Variants in SLC2A13 observed in about 807,000 individuals in gnomAD.
SLC2A13 encodes the protein solute carrier family 2 member 13, also known as proton myo-inositol cotransporter.
In SLC2A13, 32 loss-of-function variants were observed where a neutral mutation model predicts 64.4. The observed-to-expected ratio is 0.50, with a 90% CI of 0.37 to 0.67. The LOEUF is 0.67. Ranked by LOEUF, SLC2A13 falls within the 30% of genes least tolerant of loss-of-function variation. The pLI is 0.00. For missense variants in SLC2A13, 743 were observed against 829.2 expected, an observed-to-expected ratio of 0.90 and a Z score of 1.28; for synonymous variants, 338 against 327.1, an observed-to-expected ratio of 1.03 and a Z score of -0.36.
intron 7 of SLC2A13, among the ~76,000 whole-genome samples, chr12:39,828,805 A>T (rs1410333917): frequency 6.6e-6 from 1 of 152,166 alleles, no homozygotes; most frequent in African/African-American, 2.4e-5. Flanking sequence ...TAACTCACTA[A>T]CAAAATTTGG....
At chr12:39,890,287 C>T (rs532124793) in intron 4 of SLC2A13, among the ~76,000 whole-genome samples, 3 of 152,140 alleles carry the variant, frequency 2.0e-5, no homozygotes, top group African/African-American at 7.2e-5. Flanking sequence ...TTCATTAGAG[C>T]ATCATTATTA....
At chr12:40,090,899 AT>A (rs1938745291) in intron 1 of SLC2A13, among the ~76,000 whole-genome samples, 1 of 152,216 alleles carries the variant, frequency 6.6e-6, no homozygotes, top group South Asian at 2.1e-4. Context: ...TTAGTAAGAT[AT>A]TCTTGGTAAA....
chr12:39,818,756 A>G (rs970604570), intron 7 of SLC2A13, among the ~76,000 whole-genome samples: 2 of 152,182 alleles, frequency 1.3e-5, no homozygotes, highest in Non-Finnish European at 2.9e-5. Flanking sequence ...ATAAATGTAG[A>G]TGTTTCATAT....
intron 3 of SLC2A13, among the ~76,000 whole-genome samples, chr12:40,014,168 CAT>C (rs550058863): frequency 1.1e-4 from 17 of 152,288 alleles, no homozygotes; most frequent in East Asian, 1.9e-4. Flanking sequence ...GCCCCAGAAA[CAT>C]GTGTCAAATA....
intron 3 of SLC2A13, among the ~76,000 whole-genome samples, chr12:40,026,941 A>T (rs1298898046): frequency 1.1e-4 from 16 of 152,166 alleles, no homozygotes; most frequent in Non-Finnish European, 2.4e-4. Flanking sequence ...TCAGCCAGGC[A>T]TGATGGCCCA....
chr12:39,927,417 CTT>C (rs1476036050), intron 4 of SLC2A13, among the ~76,000 whole-genome samples: 1 of 152,082 alleles, frequency 6.6e-6, no homozygotes, highest in Non-Finnish European at 1.5e-5. Context: ...AAAGCATACT[CTT>C]GAGTTTTTTT....
At chr12:40,047,981 A>T in intron 2 of SLC2A13, 70 bp downstream of exon 2, 2 of 1,419,826 alleles carry the variant, frequency 1.4e-6, no homozygotes, top group Admixed American at 2.2e-5. Flanking sequence ...TTTGACTATG[A>T]TTTCTCAATT....
intron 7 of SLC2A13, among the ~76,000 whole-genome samples, chr12:39,769,656 G>A (rs569154585): frequency 5.9e-5 from 9 of 151,796 alleles, no homozygotes; most frequent in South Asian, 2.1e-4. Context: ...CTGGGGTCAC[G>A]TTCCATCAAT....
intron 3 of SLC2A13, among the ~76,000 whole-genome samples, chr12:39,969,009 T>C (rs1207330566): frequency 6.6e-6 from 1 of 152,026 alleles, no homozygotes; most frequent in Admixed American, 6.6e-5. Context: ...CCAAGTGTTC[T>C]CATTGTTCAA....
rs1461934109 is a variant in SLC2A13 at position 39,759,247 on chromosome 12, C to T, written c.*779G>A. ...TAACCAATTTGGAACCCATAAAAAC[C>T]TTTAATCTGTTACTTTCTGAACATA... On this transcript the variant is annotated 3_prime_UTR_variant, in exon 10 of 10. Coordinates refer to ENST00000280871, the MANE Select transcript of SLC2A13 (RefSeq NM_052885.4). 6.6e-6 allele frequency: 1 copy of T among 152,232 alleles called. No individual in the cohort carries two copies. Among genetic ancestry groups the T allele is most frequent in the Non-Finnish European group, 1.5e-5 (1 of 67,904 alleles). The allele number at this position is 152,232 out of a possible 1,614,324, so 9.4% of individuals were successfully genotyped here. A position where few individuals can be genotyped will look rare whatever the true frequency, so the allele number is the denominator to read the frequency against.
chr12:39,841,028 G>A (rs1456454569), intron 6 of SLC2A13, among the ~76,000 whole-genome samples: 1 of 151,938 alleles, frequency 6.6e-6, no homozygotes, highest in Non-Finnish European at 1.5e-5. Flanking sequence ...TACAATTCAC[G>A]GCTCTCAGAC....
rs369192668 is a variant in SLC2A13, at chr12:40,026,445, C to A, written c.925+1856G>T. The stretch of plus-strand genomic sequence containing the variant: ...TAAAGCAGATGTTGATAATTGCAAC[C>A]CTATGTACCCCAGATTTCTTTAAAA... On this transcript the variant is annotated intron_variant, in intron 3 of 9. Transcript: ENST00000280871. Among the ~76,000 whole-genome samples the A allele has an allele frequency of 2.6e-5, 4 of 152,184 alleles. No individual in the cohort carries two copies. In the East Asian group the frequency reaches 7.7e-4, roughly 29 times the overall value.
intron 3 of SLC2A13, among the ~76,000 whole-genome samples, chr12:40,000,049 C>T (rs138751243): frequency 6.6e-6 from 1 of 152,232 alleles, no homozygotes; most frequent in East Asian, 1.9e-4. Context: ...CCTGTTTCTC[C>T]CGATAAATAA....
Position 39,759,876 on chromosome 12 carries a change from TCTTCCTCCTAA to T in SLC2A13, c.*139_*149del, listed in dbSNP as rs1940071160. On this transcript the variant is annotated 3_prime_UTR_variant, in exon 10 of 10. Coordinates refer to ENST00000280871, the MANE Select transcript of SLC2A13 (RefSeq NM_052885.4). The stretch of plus-strand genomic sequence containing the variant: ...GAAAAAAAAAGTCATCATGGTTGTA[TCTTCCTCCTAA>T]TCAAGTATTCTAGAATATGAAGTCA... 1.7e-6 allele frequency: 1 copy of T among 604,854 alleles called. No individual in the cohort carries two copies. The highest frequency in any genetic ancestry group is 3.1e-5 in the Admixed American group (1 of 32,062). The allele number at this position is 604,854 out of a possible 1,614,324, so 37.5% of individuals were successfully genotyped here.
chr12:40,080,938 T>G (rs749021760), intron 1 of SLC2A13, among the ~76,000 whole-genome samples: 5 of 152,204 alleles, frequency 3.3e-5, no homozygotes, highest in Non-Finnish European at 5.9e-5. Context: ...GAAGAAAATT[T>G]TATTTCTCCT....
chr12:39,981,958 C>T (rs1388467728), intron 3 of SLC2A13, among the ~76,000 whole-genome samples: 5 of 63,270 alleles, frequency 7.9e-5, no homozygotes, highest in African/African-American at 3.2e-4. Context: ...TCCAGCAGCA[C>T]ATCAAAAAGC....
rs1168520631 is a variant in SLC2A13 at position 39,837,438 on chromosome 12, T to C, written c.1320-7210A>G. Among the ~76,000 whole-genome samples the C allele has an allele frequency of 2.6e-3, 357 of 135,842 alleles. 2 individuals carry two copies. Among genetic ancestry groups the C allele is most frequent in the African/African-American group, 9.4e-3 (334 of 35,674 alleles). 89.1% of individuals were successfully genotyped at this position (135,842 alleles called of 152,430 possible). On this transcript the variant is annotated intron_variant, in intron 6 of 9. Coordinates refer to ENST00000280871, the MANE Select transcript of SLC2A13 (RefSeq NM_052885.4). ...TCAGGACATAGGCATGGGCAAGGAC[T>C]TCATGTCCAAAACACCAAAAGCAAT...
chr12:39,859,373 T>A (rs1464675880), intron 6 of SLC2A13, among the ~76,000 whole-genome samples: 8 of 146,710 alleles, frequency 5.5e-5, no homozygotes, highest in African/African-American at 2.0e-4. Context: ...ATGGCAGTGG[T>A]TCTTAATGGA....
intron 6 of SLC2A13, among the ~76,000 whole-genome samples, chr12:39,848,407 A>C (rs1294368210): frequency 1.3e-5 from 2 of 152,202 alleles, no homozygotes; most frequent in Non-Finnish European, 2.9e-5. Flanking sequence ...CGTGCAGCCA[A>C]GGAGCATATG....
Sources: allele counts gnomAD v4.1 joint callset (sites outside exome capture counted in the v4.1 genomes callset), GRCh38; gene constraint gnomAD v4.1.1; transcripts MANE v1.5; gene names NCBI Gene and HGNC (gene_info 2026-07-23, HGNC 2026-07-21).